Variants in PCCA observed in about 807,000 individuals in gnomAD.
The protein encoded by PCCA is propionyl-CoA carboxylase alpha chain, mitochondrial.
PCCA carries 74 observed loss-of-function variants against 101.3 expected under a neutral mutation model. The observed-to-expected ratio is 0.73, with a 90% CI of 0.61 to 0.89. The LOEUF is 0.89. Among genes scored for constraint, PCCA ranks in the 40% least tolerant of loss-of-function variants. The probability of loss-of-function intolerance (pLI) is 0.00; values close to 1 mark genes in which losing one functional copy is unlikely to be tolerated. For synonymous variants in PCCA, 294 were observed against 313.6 expected, an observed-to-expected ratio of 0.94 and a Z score of 0.66; for missense variants, 891 against 907.0, an observed-to-expected ratio of 0.98 and a Z score of 0.23.
chr13:100,461,204 A>G (rs1180227947), intron 21 of PCCA, among the ~76,000 whole-genome samples: 1 of 152,254 alleles, frequency 6.6e-6, no homozygotes, highest in Non-Finnish European at 1.5e-5. Context: ...CAGCAGCTAC[A>G]CAGTTGCAAC....
chr13:100,293,076 C>T, intron 12 of PCCA: 1 of 352,242 alleles, frequency 2.8e-6, no homozygotes, highest in South Asian at 2.4e-5. Context: ...TAGAAAATTC[C>T]CAAATAGAGA....
At chr13:100,203,809 A>T (rs2058686202) in intron 6 of PCCA, among the ~76,000 whole-genome samples, 1 of 152,240 alleles carries the variant, frequency 6.6e-6, no homozygotes, top group Non-Finnish European at 1.5e-5. Context: ...TCAGTGACTC[A>T]TGTCCAAGAA....
At chr13:100,298,062 A>G (rs2065696797) in intron 12 of PCCA, among the ~76,000 whole-genome samples, 1 of 152,082 alleles carries the variant, frequency 6.6e-6, no homozygotes, top group South Asian at 2.1e-4. Flanking sequence ...TAACAATGCA[A>G]AACAGTGCTG....
At chr13:100,270,313 C>T (rs1398371005) in intron 11 of PCCA, among the ~76,000 whole-genome samples, 1 of 152,146 alleles carries the variant, frequency 6.6e-6, no homozygotes, top group Non-Finnish European at 1.5e-5. Context: ...AGAACTAGTA[C>T]TGTAGTACTG....
intron 19 of PCCA, among the ~76,000 whole-genome samples, chr13:100,370,162 C>A (rs1437470528): frequency 7.3e-6 from 1 of 137,776 alleles, no homozygotes; most frequent in Non-Finnish European, 1.5e-5. Flanking sequence ...CGGCTCACTG[C>A]AGCCTCTTCC....
chr13:100,360,666 G>A (rs1463422450), intron 18 of PCCA, among the ~76,000 whole-genome samples: 1 of 152,136 alleles, frequency 6.6e-6, no homozygotes, highest in African/African-American at 2.4e-5. Flanking sequence ...CGAACACCAC[G>A]TGCTGCTGAG....
At chr13:100,306,194 G>A (rs1393226660) in intron 14 of PCCA, among the ~76,000 whole-genome samples, 1 of 152,160 alleles carries the variant, frequency 6.6e-6, no homozygotes, top group Non-Finnish European at 1.5e-5. Flanking sequence ...AGACAGATGA[G>A]CTGCTGTTTA....
chr13:100,275,792 C>T (rs1454287149), intron 12 of PCCA, among the ~76,000 whole-genome samples: 3 of 152,030 alleles, frequency 2.0e-5, no homozygotes, highest in Non-Finnish European at 4.4e-5. Flanking sequence ...AACACACATC[C>T]TTAATTTATC....
At chr13:100,116,090 C>T (rs1040571326) in intron 4 of PCCA, among the ~76,000 whole-genome samples, 1 of 152,166 alleles carries the variant, frequency 6.6e-6, no homozygotes, top group Admixed American at 6.6e-5. Context: ...GTAACAGCAT[C>T]TTTTGCATCC....
chr13:100,413,366 G>T (rs1237339434), intron 19 of PCCA, among the ~76,000 whole-genome samples: 1 of 152,074 alleles, frequency 6.6e-6, no homozygotes, highest in Non-Finnish European at 1.5e-5. Context: ...TTAGGTAATG[G>T]GATTTATTGG....
At chr13:100,326,015 A>G (rs2068637039) in intron 16 of PCCA, among the ~76,000 whole-genome samples, 1 of 152,218 alleles carries the variant, frequency 6.6e-6, no homozygotes, top group African/African-American at 2.4e-5. Context: ...TATGGAAACG[A>G]TCGTTGACAC....
At chr13:100,404,321 C>T (rs528887699) in intron 19 of PCCA, among the ~76,000 whole-genome samples, 4 of 152,274 alleles carry the variant, frequency 2.6e-5, no homozygotes, top group South Asian at 4.2e-4. Context: ...GGTTCCCTTC[C>T]CCTGAGCCCA....
At chr13:100,527,226 A>G (rs1457054198) in intron 22 of PCCA, 4 of 460,180 alleles carry the variant, frequency 8.7e-6, no homozygotes, top group African/African-American at 6.1e-5. Flanking sequence ...TCAATTTTGG[A>G]ACATTTTTAT....
chr13:100,194,852 G>C (rs1398783482), intron 6 of PCCA, among the ~76,000 whole-genome samples: 1 of 152,198 alleles, frequency 6.6e-6, no homozygotes, highest in Non-Finnish European at 1.5e-5. Flanking sequence ...TGAGCAGGAA[G>C]GGGTGGCATT....
chr13:100,272,440 G>A (rs2063364601), intron 11 of PCCA, among the ~76,000 whole-genome samples: 1 of 152,182 alleles, frequency 6.6e-6, no homozygotes, highest in African/African-American at 2.4e-5. Flanking sequence ...ACTATAACAC[G>A]TGCCTGAGTA....
At chr13:100,228,899 CA>C (rs36067066) in intron 7 of PCCA, among the ~76,000 whole-genome samples, 19,867 of 83,476 alleles carry the variant, frequency 0.24, 1,060 homozygotes, top group Middle Eastern at 0.34. Flanking sequence ...GACTCTTTCT[CA>C]AAAAAAAAAA....
At chr13:100,230,857 A>G (rs1298683687) in intron 7 of PCCA, among the ~76,000 whole-genome samples, 1 of 152,102 alleles carries the variant, frequency 6.6e-6, no homozygotes, top group Non-Finnish European at 1.5e-5. Flanking sequence ...GAGGGTGGAC[A>G]GTGCACATCA....
chr13:100,145,839 G>A (rs376205251), intron 4 of PCCA, among the ~76,000 whole-genome samples: 3 of 149,232 alleles, frequency 2.0e-5, no homozygotes, highest in Non-Finnish European at 4.4e-5. Context: ...TCCAGCCTGG[G>A]CGACAGAGTG....
At chr13:100,106,399 T>A (rs2047796186) in intron 2 of PCCA, among the ~76,000 whole-genome samples, 1 of 152,116 alleles carries the variant, frequency 6.6e-6, no homozygotes, top group African/African-American at 2.4e-5. Flanking sequence ...TGTAACTGTC[T>A]GGGTTTAGCA....
Sources: gnomAD v4.1 joint callset for allele counts (sites outside exome capture counted in the v4.1 genomes callset) on GRCh38, gnomAD v4.1.1 for gene constraint, MANE v1.5 for transcripts, NCBI Gene and HGNC (gene_info 2026-07-23, HGNC 2026-07-21) for gene names.